Variants in PSMD14 observed in about 807,000 individuals in gnomAD.
PSMD14 encodes the protein ubiquitin C-terminal hydrolase PSMD14.
In PSMD14, 7 loss-of-function variants were observed where a neutral mutation model predicts 41.2. The ratio of observed to expected loss-of-function variants is 0.17; its 90% CI spans 0.10 to 0.32. PSMD14 has a LOEUF of 0.32. PSMD14 is among the 10% of genes least tolerant of loss of function. The pLI is 1.00. For synonymous variants in PSMD14, 114 were observed against 122.3 expected, an observed-to-expected ratio of 0.93 and a Z score of 0.45; for missense variants, 139 against 375.6, an observed-to-expected ratio of 0.37 and a Z score of 5.21.
At chr2:161,335,422 T>G (rs1177514972) in intron 3 of PSMD14, among the ~76,000 whole-genome samples, 1 of 152,250 alleles carries the variant, frequency 6.6e-6, no homozygotes. Flanking sequence ...ATGTTTAAAT[T>G]CTGTTTAATT....
intron 3 of PSMD14, among the ~76,000 whole-genome samples, chr2:161,360,834 C>A (rs1683280333): frequency 6.6e-6 from 1 of 152,240 alleles, no homozygotes; most frequent in Admixed American, 6.5e-5. Flanking sequence ...CCACGCCTGG[C>A]CTTCGTATTT....
intron 9 of PSMD14, among the ~76,000 whole-genome samples, chr2:161,391,696 A>T (rs1484949660): frequency 1.3e-5 from 2 of 152,056 alleles, no homozygotes; most frequent in Admixed American, 1.3e-4. Context: ...GGCCCAAGGG[A>T]TCCTCACTCT....
intron 3 of PSMD14, among the ~76,000 whole-genome samples, chr2:161,344,762 T>G (rs1439757971): frequency 2.0e-5 from 3 of 152,228 alleles, no homozygotes; most frequent in African/African-American, 7.2e-5. Flanking sequence ...TTTTTATCAT[T>G]GAGTCATAAG....
chr2:161,391,415 C>T (rs951965310), intron 9 of PSMD14, among the ~76,000 whole-genome samples: 8 of 152,026 alleles, frequency 5.3e-5, no homozygotes, highest in Admixed American at 1.3e-4. Flanking sequence ...ATAAATCAAA[C>T]GTTCCACTTT....
intron 3 of PSMD14, among the ~76,000 whole-genome samples, chr2:161,345,864 T>G (rs575158863): frequency 7.2e-5 from 11 of 152,276 alleles, no homozygotes; most frequent in Admixed American, 5.2e-4. Context: ...TTCATTTTTC[T>G]GTTGCTACAT....
At chr2:161,358,999 C>A (rs1324873992) in intron 3 of PSMD14, among the ~76,000 whole-genome samples, 3 of 152,128 alleles carry the variant, frequency 2.0e-5, no homozygotes, top group Non-Finnish European at 2.9e-5. Flanking sequence ...GGAGATAGGG[C>A]CTCGTTGTCC....
At chr2:161,375,378 C>T (rs1683489806) in intron 7 of PSMD14, among the ~76,000 whole-genome samples, 1 of 151,944 alleles carries the variant, frequency 6.6e-6, no homozygotes, top group African/African-American at 2.4e-5. Context: ...TCAACAAATA[C>T]TTATTCAGAA....
Position 161,394,982 on chromosome 2 carries a change from C to T in PSMD14, c.646-96C>T, listed in dbSNP as rs1359638120. On this transcript the variant is annotated intron_variant, in intron 9 of 11. Coordinates refer to ENST00000409682, the MANE Select transcript of PSMD14 (RefSeq NM_005805.6). Reference sequence around the variant, plus strand: ...ATTAATAAAGTTAAATCCATTAAGTCGAAATGTTTTTTTTTTTTTGAAGTT... The same window carrying T: ...ATTAATAAAGTTAAATCCATTAAGTTGAAATGTTTTTTTTTTTTTGAAGTT... 61 of 1,036,558 alleles carry T rather than the reference C, an allele frequency of 5.9e-5. No homozygotes were observed. The East Asian group carries it at 6.5e-4, about 11-fold the overall frequency. The allele number at this position is 1,036,558 out of a possible 1,614,324, so 64.2% of individuals were successfully genotyped here.
intron 3 of PSMD14, among the ~76,000 whole-genome samples, chr2:161,361,478 A>G (rs1317382766): frequency 1.3e-5 from 2 of 151,820 alleles, no homozygotes; most frequent in East Asian, 1.9e-4. Flanking sequence ...TCACATACAT[A>G]TTATTGGAAA....
At chr2:161,362,322 T>G (rs1683300344) in intron 3 of PSMD14, among the ~76,000 whole-genome samples, 1 of 152,230 alleles carries the variant, frequency 6.6e-6, no homozygotes, top group Non-Finnish European at 1.5e-5. Context: ...TAGAGCATAT[T>G]GTATACTTCA....
At chr2:161,375,074 C>T (rs557580587) in intron 7 of PSMD14, among the ~76,000 whole-genome samples, 21 of 151,988 alleles carry the variant, frequency 1.4e-4, no homozygotes, top group Non-Finnish European at 2.2e-4. Context: ...CTGATCAAAA[C>T]ACTCAATGGA....
At position 161,411,308 on chromosome 2, in the gene PSMD14, A is replaced by G. The variant is rs1280637546; in HGVS notation, c.841A>G (p.Lys281Glu). Residue 281 changes from lysine to glutamate, a missense_variant, in exon 12 of 12, where the codon AAA becomes GAA. Physicochemically the swap from Lys to Glu is moderately conservative, Grantham distance 56 (BLOSUM62 1). Around this residue, in one of 4 missense-constraint regions of PSMD14, gnomAD observed 80 missense variants for 138.1 expected, o/e 0.58. Coordinates refer to ENST00000409682, the MANE Select transcript of PSMD14 (RefSeq NM_005805.6). ...AIKNVGKQDPKRHLEEHVDVL... is the reference protein window; with the variant it reads ...AIKNVGKQDPERHLEEHVDVL... ...CTCATTTTTGTTCTTTTAGGACCCC[A>G]AACGTCATTTGGAGGAACATGTGGA... 6.2e-7 allele frequency: 1 copy of G among 1,605,454 alleles called. No homozygotes were observed. The highest frequency in any genetic ancestry group is 8.5e-7 in the Non-Finnish European group (1 of 1,175,514).
chr2:161,374,121 T>C (rs1265270800), intron 7 of PSMD14, among the ~76,000 whole-genome samples: 1 of 151,896 alleles, frequency 6.6e-6, no homozygotes, highest in Admixed American at 6.6e-5. Context: ...AATTCCTTAG[T>C]ATTAAACCAC....
At chr2:161,319,150 A>G (rs1054247193) in intron 3 of PSMD14, 17 of 290,464 alleles carry the variant, frequency 5.9e-5, no homozygotes, top group Admixed American at 3.5e-4. Flanking sequence ...GGCTTTTAGG[A>G]AAAAAAAACC....
chr2:161,390,000 G>A (rs1683692114), intron 8 of PSMD14, among the ~76,000 whole-genome samples: 1 of 147,458 alleles, frequency 6.8e-6, no homozygotes, highest in African/African-American at 2.5e-5. Flanking sequence ...AGAGTGCTGG[G>A]ATTACAGGCT....
At chr2:161,314,596 A>G (rs376108039) in intron 1 of PSMD14, among the ~76,000 whole-genome samples, 4 of 152,216 alleles carry the variant, frequency 2.6e-5, no homozygotes, top group Non-Finnish European at 4.4e-5. Flanking sequence ...TTCTGTCTCT[A>G]TGGATTTATT....
chr2:161,320,401 A>G (rs1287757112), intron 3 of PSMD14, among the ~76,000 whole-genome samples: 1 of 152,172 alleles, frequency 6.6e-6, no homozygotes, highest in Non-Finnish European at 1.5e-5. Context: ...GCTTTATATC[A>G]AGTGAAAAAC....
At chr2:161,316,267 T>G (rs1689147035) in intron 1 of PSMD14, among the ~76,000 whole-genome samples, 170 bp from the exon 2 acceptor site, 1 of 152,244 alleles carries the variant, frequency 6.6e-6, no homozygotes, top group Non-Finnish European at 1.5e-5. Flanking sequence ...CTGTGCTCTG[T>G]AGCTCCCTGT....
intron 3 of PSMD14, among the ~76,000 whole-genome samples, chr2:161,323,044 A>C (rs1682632228): frequency 6.6e-6 from 1 of 152,220 alleles, no homozygotes; most frequent in South Asian, 2.1e-4. Flanking sequence ...ACTCTACTGC[A>C]TACTGCCATT....
Sources: gnomAD v4.1 joint callset for allele counts (sites outside exome capture counted in the v4.1 genomes callset) on GRCh38, gnomAD v4.1.1 for gene constraint, gnomAD v4.1.1 regional missense constraint, MANE v1.5 for transcripts, NCBI Gene and HGNC (gene_info 2026-07-23, HGNC 2026-07-21) for gene names.